The following PLEKHG1 variants were observed in gnomAD, a reference collection of about 807,000 sequenced individuals.
The protein encoded by PLEKHG1 is pleckstrin homology domain-containing family G member 1.
In PLEKHG1, 44 loss-of-function variants were observed where a neutral mutation model predicts 100.8. The observed-to-expected ratio is 0.44, with a 90% CI of 0.34 to 0.56. The LOEUF (loss-of-function observed/expected upper bound fraction) is 0.56. Among genes scored for constraint, PLEKHG1 ranks in the 20% least tolerant of loss-of-function variants. The pLI, the probability that PLEKHG1 is intolerant of heterozygous loss-of-function variation, is 0.01. For missense variants in PLEKHG1, 1,545 were observed against 1,720.9 expected (o/e 0.90, Z 1.81); for synonymous variants, 640 against 662.5 (o/e 0.97, Z 0.52).
intron 15 of PLEKHG1, among the ~76,000 whole-genome samples, chr6:150,836,935 G>GT (rs1376225628): frequency 6.6e-6 from 1 of 152,152 alleles, no homozygotes; most frequent in African/African-American, 2.4e-5. Context: ...GCTAAGGCTG[G>GT]TGGATCACTT....
intron 3 of PLEKHG1, among the ~76,000 whole-genome samples, chr6:150,661,720 G>GATATTAGAGTTTAGATATTAGATATT (rs1779200421): frequency 1.3e-5 from 2 of 152,270 alleles, no homozygotes; most frequent in African/African-American, 4.8e-5. Context: ...TTAGAGTTTA[G>GATATTAGAGTTTAGATATTAGATATT]AGATACGCCT....
At chr6:150,715,534 C>T (rs1021396341) in intron 3 of PLEKHG1, among the ~76,000 whole-genome samples, 1 of 146,388 alleles carries the variant, frequency 6.8e-6, no homozygotes, top group Admixed American at 7.0e-5. Context: ...GTGGCCCAGG[C>T]TGGAGTGCAG....
intron 10 of PLEKHG1, among the ~76,000 whole-genome samples, chr6:150,811,253 A>T (rs1327578290): frequency 7.1e-6 from 1 of 140,740 alleles, no homozygotes; most frequent in African/African-American, 2.7e-5. Flanking sequence ...CTTTTACCTC[A>T]GTCTTAAAGG....
At chr6:150,771,444 C>T (rs894066041) in intron 3 of PLEKHG1, among the ~76,000 whole-genome samples, 10 of 150,878 alleles carry the variant, frequency 6.6e-5, no homozygotes, top group African/African-American at 2.2e-4. Context: ...AATGAATGAA[C>T]GAACGAACGA....
intron 1 of PLEKHG1, among the ~76,000 whole-genome samples, chr6:150,611,916 A>T (rs2128553448): frequency 6.6e-6 from 1 of 152,288 alleles, no homozygotes; most frequent in East Asian, 1.9e-4. Flanking sequence ...AAAATAAGTC[A>T]AGAGAAAAAC....
At chr6:150,654,203 G>T (rs750325932) in intron 3 of PLEKHG1, among the ~76,000 whole-genome samples, 1 of 152,218 alleles carries the variant, frequency 6.6e-6, no homozygotes, top group Non-Finnish European at 1.5e-5. Flanking sequence ...TCCAGGCACC[G>T]GGTGCTGAGG....
chr6:150,647,256 T>C (rs551918310), intron 2 of PLEKHG1, among the ~76,000 whole-genome samples: 1 of 152,346 alleles, frequency 6.6e-6, no homozygotes, highest in East Asian at 1.9e-4. Context: ...CCTTTTATTT[T>C]GTCCTGCATA....
chr6:150,666,815 C>T (rs966835299), intron 3 of PLEKHG1, among the ~76,000 whole-genome samples: 5 of 150,730 alleles, frequency 3.3e-5, no homozygotes, highest in Non-Finnish European at 5.9e-5. Context: ...GGCTGGAGTG[C>T]AGTGGCGCAA....
chr6:150,760,635 CTT>C (rs34394040), intron 2 of PLEKHG1, among the ~76,000 whole-genome samples: 1,837 of 115,764 alleles, frequency 0.016, 38 homozygotes, highest in East Asian at 0.066. Context: ...AAATGCTTTG[CTT>C]TTTTTTTTTT....
At chr6:150,785,033 TA>T (rs35123545) in intron 3 of PLEKHG1, among the ~76,000 whole-genome samples, 389 of 136,028 alleles carry the variant, frequency 2.9e-3, no homozygotes, top group Admixed American at 2.8e-3. Context: ...TCTCTAAAAT[TA>T]AAAAAAAAAA....
intron 3 of PLEKHG1, among the ~76,000 whole-genome samples, chr6:150,710,048 G>A (rs1490919189): frequency 6.6e-6 from 1 of 152,138 alleles, no homozygotes; most frequent in Admixed American, 6.5e-5. Flanking sequence ...ATAACCAATA[G>A]TCATTATGAA....
chr6:150,621,616 C>A (rs1777304851), intron 1 of PLEKHG1, among the ~76,000 whole-genome samples: 1 of 152,178 alleles, frequency 6.6e-6, no homozygotes, highest in South Asian at 2.1e-4. Context: ...CTCAAGTGAT[C>A]CTCCAGCCTT....
intron 3 of PLEKHG1, among the ~76,000 whole-genome samples, chr6:150,706,073 T>C (rs989873596): frequency 2.6e-5 from 4 of 152,238 alleles, no homozygotes; most frequent in Admixed American, 1.3e-4. Context: ...TTCACTCCTG[T>C]CCTATTATTT....
intron 1 of PLEKHG1, among the ~76,000 whole-genome samples, chr6:150,623,788 G>A (rs774115031): frequency 3.3e-5 from 5 of 152,220 alleles, no homozygotes; most frequent in African/African-American, 7.2e-5. Flanking sequence ...CGAGGCTGCA[G>A]CGACCTGTTT....
intron 3 of PLEKHG1, among the ~76,000 whole-genome samples, chr6:150,655,160 A>G (rs1778914727): frequency 6.6e-6 from 1 of 152,246 alleles, no homozygotes; most frequent in African/African-American, 2.4e-5. Context: ...CTAGAGAAAT[A>G]GGAATGCTTT....
intron 3 of PLEKHG1, chr6:150,663,536 T>C (rs1156382338): frequency 6.9e-6 from 1 of 145,848 alleles, no homozygotes; most frequent in African/African-American, 2.5e-5. Context: ...GGCACTTTCT[T>C]TTCTCTCTCT....
intron 1 of PLEKHG1, among the ~76,000 whole-genome samples, chr6:150,615,256 C>T (rs9478769): frequency 0.079 from 12,090 of 152,186 alleles, 554 homozygotes; most frequent in Non-Finnish European, 0.1. Flanking sequence ...GCAGATTATC[C>T]GGTATTTGAG....
At chr6:150,658,819 C>T (rs1374602801) in intron 3 of PLEKHG1, among the ~76,000 whole-genome samples, 1 of 152,194 alleles carries the variant, frequency 6.6e-6, no homozygotes, top group African/African-American at 2.4e-5. Context: ...TACCAGCTGT[C>T]TCATCTCTGC....
chr6:150,683,699 A>G lies in PLEKHG1; in HGVS notation c.-99+32913A>G. Reference sequence around the variant, plus strand: ...TGTTCAATGATGCTGTTCAACTTGAACCCTGAGTTGACACACGGACCCCTC... The same window carrying G: ...TGTTCAATGATGCTGTTCAACTTGAGCCCTGAGTTGACACACGGACCCCTC... On this transcript the variant is annotated intron_variant, in intron 3 of 3. Coordinates refer to the PLEKHG1 transcript ENST00000367326. This position sits in a 1 kb window ranked among gnomAD's most constrained non-coding sequence, Gnocchi z 4.0. The G allele has an allele frequency of 1.1e-6, 1 of 917,634 alleles. No individual in the cohort carries two copies. The highest frequency in any genetic ancestry group is 1.5e-6 in the Non-Finnish European group (1 of 676,148). The allele number at this position is 917,634 out of a possible 1,614,324, so 56.8% of individuals were successfully genotyped here.
Sources: allele counts gnomAD v4.1 joint callset (sites outside exome capture counted in the v4.1 genomes callset), GRCh38; gene constraint gnomAD v4.1.1; non-coding constraint Gnocchi (gnomAD v3.1); transcripts MANE v1.5; gene names NCBI Gene and HGNC (gene_info 2026-07-23, HGNC 2026-07-21).